The following SPATA6 variants were observed in gnomAD, a reference collection of about 807,000 sequenced individuals.
SPATA6 encodes the protein spermatogenesis associated 6.
A neutral mutation model predicts 65.3 loss-of-function variants in SPATA6; 56 were observed. That is an observed-to-expected ratio of 0.86 (90% confidence interval 0.69 to 1.07). SPATA6 has a LOEUF of 1.07. SPATA6 is among the 50% of genes least tolerant of loss of function. The pLI, the probability that SPATA6 is intolerant of heterozygous loss-of-function variation, is 0.00. For synonymous variants in SPATA6, 199 were observed against 213.2 expected (o/e 0.93, Z 0.58); for missense variants, 590 against 594.8 (o/e 0.99, Z 0.08).
downstream of SPATA6, among the ~76,000 whole-genome samples, chr1:48,290,645 G>C (rs1035034339): frequency 5.3e-5 from 8 of 152,060 alleles, no homozygotes; most frequent in African/African-American, 1.9e-4. Flanking sequence ...TAAAGGGATG[G>C]AGGAAGATCA....
In SPATA6 at chr1:48,342,709, G is replaced by C. The variant is rs541797520; in HGVS notation, c.1194+12961C>G. Reference sequence around the variant, plus strand: ...TTGTGAGATATTAGAAGAGCAGAGAGTGTAGTGACTGAAAAGAGGCACCAG... The same window carrying C: ...TTGTGAGATATTAGAAGAGCAGAGACTGTAGTGACTGAAAAGAGGCACCAG... On this transcript the variant is annotated intron_variant, in intron 11 of 12. Transcript: ENST00000371847. 9.2e-5 allele frequency among the ~76,000 whole-genome samples: 14 copies of C among 152,098 alleles called. No homozygotes were observed. The South Asian group carries it at 1.0e-3, about 11-fold the overall frequency.
intron 9 of SPATA6, among the ~76,000 whole-genome samples, chr1:48,362,581 A>G (rs1395681071): frequency 6.6e-6 from 1 of 152,170 alleles, no homozygotes; most frequent in Non-Finnish European, 1.5e-5. Context: ...CACAATCCAG[A>G]TGAGACAGGG....
chr1:48,415,888 C>T lies in SPATA6; in HGVS notation c.239-2737G>A, dbSNP rs1652731014. 2.0e-5 allele frequency among the ~76,000 whole-genome samples: 3 copies of T among 152,266 alleles called. No individual in the cohort carries two copies. In the South Asian group the frequency reaches 6.2e-4, roughly 32 times the overall value. On this transcript the variant is annotated intron_variant, in intron 3 of 12. Transcript: ENST00000371847. ...TATCCCTAGGCATGTCATATTCAAACTTCTGAAAATCAAAGACAAAAGAAA... is the reference window on the plus strand; with the variant it reads ...TATCCCTAGGCATGTCATATTCAAATTTCTGAAAATCAAAGACAAAAGAAA...
At chr1:48,430,221 T>C (rs189736880) in intron 3 of SPATA6, among the ~76,000 whole-genome samples, 11 of 152,206 alleles carry the variant, frequency 7.2e-5, no homozygotes, top group African/African-American at 2.4e-4. Flanking sequence ...AGTGAGAATC[T>C]TGAAAATAGC....
chr1:48,335,174 G>C (rs1010429557), intron 11 of SPATA6, among the ~76,000 whole-genome samples: 1 of 151,990 alleles, frequency 6.6e-6, no homozygotes, highest in African/African-American at 2.4e-5. Flanking sequence ...TCATGGATAG[G>C]AAGAATAAAT....
intron 3 of SPATA6, among the ~76,000 whole-genome samples, chr1:48,441,782 G>A (rs539924322): frequency 4.6e-5 from 7 of 152,240 alleles, no homozygotes; most frequent in Admixed American, 3.3e-4. Context: ...TAGTTGCAGC[G>A]GTGGCCGTCT....
intron 11 of SPATA6, among the ~76,000 whole-genome samples, chr1:48,343,687 T>C (rs1282140005): frequency 6.6e-6 from 1 of 152,144 alleles, no homozygotes; most frequent in African/African-American, 2.4e-5. Context: ...GAGAAAATAC[T>C]GCAGATAACA....
the SPATA6 span, among the ~76,000 whole-genome samples, chr1:48,279,750 C>A: frequency 1.3e-4 from 20 of 151,950 alleles, no homozygotes; most frequent in South Asian, 2.1e-4. Flanking sequence ...TTAACACTCC[C>A]CTGTCAACAT....
chr1:48,352,232 A>G (rs910822245), intron 11 of SPATA6, among the ~76,000 whole-genome samples: 2 of 152,070 alleles, frequency 1.3e-5, no homozygotes, highest in Non-Finnish European at 2.9e-5. Flanking sequence ...CACTATCAAG[A>G]GAACAGCCAC....
chr1:48,269,297 A>C, the SPATA6 span, among the ~76,000 whole-genome samples: 1 of 152,174 alleles, frequency 6.6e-6, no homozygotes, highest in East Asian at 1.9e-4. Flanking sequence ...GCATTGTACT[A>C]GGTACTCCAT....
the SPATA6 span, among the ~76,000 whole-genome samples, chr1:48,281,944 T>C: frequency 4.6e-5 from 7 of 152,140 alleles, no homozygotes; most frequent in Non-Finnish European, 5.9e-5. Flanking sequence ...TACTACAAGG[T>C]TACAGTAACC....
chr1:48,362,955 CCAAA>C (rs762890427), intron 9 of SPATA6, among the ~76,000 whole-genome samples: 1 of 151,814 alleles, frequency 6.6e-6, no homozygotes, highest in Non-Finnish European at 1.5e-5. Flanking sequence ...ATATAAAGTA[CCAAA>C]CAAAGTAGGA....
chr1:48,396,499 A>AAG, intron 7 of SPATA6, among the ~76,000 whole-genome samples: 2 of 151,768 alleles, frequency 1.3e-5, no homozygotes, highest in East Asian at 3.9e-4. Context: ...TAATATCCAA[A>AAG]AGATGGAAGC....
chr1:48,292,226 G>A (rs984788203), downstream of SPATA6, among the ~76,000 whole-genome samples: 4 of 152,230 alleles, frequency 2.6e-5, no homozygotes, highest in Non-Finnish European at 5.9e-5. Flanking sequence ...GAGAGGGGGA[G>A]CAGAAGTATG....
intron 7 of SPATA6, among the ~76,000 whole-genome samples, chr1:48,395,800 A>G (rs1391541874): frequency 1.3e-5 from 2 of 151,886 alleles, no homozygotes; most frequent in Non-Finnish European, 1.5e-5. Flanking sequence ...CTATAGCTTA[A>G]TATAATAATA....
chr1:48,309,257 GTA>G (rs1645139079), intron 11 of SPATA6, among the ~76,000 whole-genome samples: 2 of 151,728 alleles, frequency 1.3e-5, no homozygotes, highest in Non-Finnish European at 2.9e-5. Context: ...ATGCTTAATG[GTA>G]TCCCACAAAT....
intron 1 of SPATA6, among the ~76,000 whole-genome samples, chr1:48,462,726 T>C (rs1657538611): frequency 6.6e-6 from 1 of 152,136 alleles, no homozygotes; most frequent in Non-Finnish European, 1.5e-5. Flanking sequence ...ACAAAGGAAA[T>C]AACAAACATA....
intron 9 of SPATA6, among the ~76,000 whole-genome samples, chr1:48,380,467 T>C (rs964716414): frequency 3.3e-5 from 5 of 152,182 alleles, no homozygotes; most frequent in African/African-American, 9.7e-5. Context: ...GTGGAATTCA[T>C]TTGGAAAAGA....
intron 1 of SPATA6, among the ~76,000 whole-genome samples, chr1:48,460,491 T>C (rs919653108): frequency 6.6e-6 from 1 of 152,122 alleles, no homozygotes; most frequent in East Asian, 1.9e-4. Flanking sequence ...TAATTGCCCC[T>C]AATATCAGCA....
Sources: allele counts gnomAD v4.1 joint callset (sites outside exome capture counted in the v4.1 genomes callset), GRCh38; gene constraint gnomAD v4.1.1; transcripts MANE v1.5; gene names NCBI Gene and HGNC (gene_info 2026-07-23, HGNC 2026-07-21).